Variants in AK9 observed in about 807,000 individuals in gnomAD.
AK9 encodes adenylate kinase domain containing 1.
A neutral mutation model predicts 239.6 loss-of-function variants in AK9; 191 were observed. That is an observed-to-expected ratio of 0.80 (90% CI 0.71 to 0.90). AK9 has a LOEUF of 0.90. AK9 is among the 40% of genes least tolerant of loss of function. The pLI is 0.00. For missense variants in AK9, 1,995 were observed against 2,214.7 expected (o/e 0.90, Z 1.99); for synonymous variants, 689 against 721.0 (o/e 0.96, Z 0.71).
intron 21 of AK9, among the ~76,000 whole-genome samples, chr6:109,573,039 T>C (rs528914471): frequency 6.6e-6 from 1 of 152,206 alleles, no homozygotes; most frequent in African/African-American, 2.4e-5. Flanking sequence ...GTAAAATTCA[T>C]GCTAATAATT....
chr6:109,542,179 C>T lies in AK9; in HGVS notation c.3226-8G>A, dbSNP rs78815905. 50 of 1,577,456 alleles carry T rather than the reference C, an allele frequency of 3.2e-5. 1 individual carries two copies. The East Asian group carries it at 1.1e-3, about 36-fold the overall frequency. ...AAGTTGTACTTCTGGAAGCTAAAAA[C>T]AAAAATCAGAAAACAAAACAAGTTT... On this transcript the variant is annotated splice_region_variant and splice_polypyrimidine_tract_variant and intron_variant, in intron 26 of 40. Transcript: ENST00000424296.
At chr6:109,612,741 C>T (rs1793723046) in intron 15 of AK9, among the ~76,000 whole-genome samples, 1 of 151,952 alleles carries the variant, frequency 6.6e-6, no homozygotes, top group Non-Finnish European at 1.5e-5. Flanking sequence ...AAATAAACAG[C>T]AGGCAAGCAC....
intron 4 of AK9, 48 bp downstream of exon 4, chr6:109,672,067 A>C: frequency 6.2e-7 from 1 of 1,611,896 alleles, no homozygotes; most frequent in Non-Finnish European, 8.5e-7. Context: ...TCTATGATAC[A>C]GAGCTTTTTT....
intron 1 of AK9, among the ~76,000 whole-genome samples, chr6:109,686,927 C>G (rs958937320): frequency 6.6e-6 from 1 of 152,176 alleles, no homozygotes; most frequent in Non-Finnish European, 1.5e-5. Flanking sequence ...CTTCAGGGCA[C>G]AAATAAATTT....
At chr6:109,666,141 C>T (rs1307550572) in intron 5 of AK9, among the ~76,000 whole-genome samples, 1 of 152,172 alleles carries the variant, frequency 6.6e-6, no homozygotes, top group African/African-American at 2.4e-5. Flanking sequence ...GCTCTACCCT[C>T]TGAGAGATGT....
intron 1 of AK9, among the ~76,000 whole-genome samples, chr6:109,684,248 C>G (rs1469535381): frequency 1.3e-5 from 2 of 152,080 alleles, no homozygotes; most frequent in Non-Finnish European, 2.9e-5. Context: ...AAAATTAACT[C>G]AAGATGGATG....
intron 13 of AK9, among the ~76,000 whole-genome samples, chr6:109,615,593 T>C (rs986829568): frequency 5.3e-5 from 8 of 152,168 alleles, no homozygotes; most frequent in African/African-American, 1.9e-4. Flanking sequence ...TTGGATGGCA[T>C]GCAATTTCAG....
chr6:109,579,592 C>G lies in AK9; in HGVS notation c.2149G>C (p.Glu717Gln), dbSNP rs1332068248. 4 of 1,551,176 alleles carry G rather than the reference C, an allele frequency of 2.6e-6. No individual in the cohort carries two copies. The Admixed American group carries it at 5.9e-5, about 23-fold the overall frequency. The change falls in exon 20 of 41, where the codon GAA (glutamate) becomes CAA (glutamine). Residue 717 changes from glutamate to glutamine, a missense_variant. By Grantham distance (29) the Glu-to-Gln change is conservative. Around this residue, in one of 5 missense-constraint regions of AK9, gnomAD observed 1,290 missense variants for 1,392.7 expected, o/e 0.93. Coordinates refer to ENST00000424296, the MANE Select transcript of AK9 (RefSeq NM_001145128.3). ...ATEEELRLEEENRRLLELMKV... is the reference protein window; with the variant it reads ...ATEEELRLEEQNRRLLELMKV... ...ATAAGTTCCAGTAGCCTTCGATTTT[C>G]TTCTTCGAGTCTCAATTCCTCTTCT...
At position 109,523,453 on chromosome 6, in the gene AK9, T is replaced by C. The variant is rs944901767; in HGVS notation, c.3633+5558A>G. Among the ~76,000 whole-genome samples the C allele has an allele frequency of 2.0e-5, 3 of 152,288 alleles. No homozygotes were observed. In the South Asian group the frequency reaches 6.2e-4, roughly 32 times the overall value. On this transcript the variant is annotated intron_variant, in intron 29 of 40. Transcript: ENST00000424296. Reference sequence around the variant, plus strand: ...TTATTTAACCTCTAGCAGATAATAATAAACTGTAAACAACACTCCTCTCTC... The same window carrying C: ...TTATTTAACCTCTAGCAGATAATAACAAACTGTAAACAACACTCCTCTCTC...
rs529966752 is a variant in AK9, at chr6:109,543,089, G to A, written c.3226-918C>T. On this transcript the variant is annotated intron_variant, in intron 26 of 40. Coordinates refer to ENST00000424296, the MANE Select transcript of AK9 (RefSeq NM_001145128.3). ...GCCATCTGAAATACAAACTAGAAGA[G>A]GATTATAATGTAATAACAAATAGAA... 2.0e-5 allele frequency among the ~76,000 whole-genome samples: 3 copies of A among 152,200 alleles called. No homozygotes were observed. In the South Asian group the frequency reaches 6.2e-4, roughly 32 times the overall value.
At chr6:109,611,643 CTTTCCTTTCCT>C (rs1167938208) in intron 16 of AK9, among the ~76,000 whole-genome samples, 1 of 152,044 alleles carries the variant, frequency 6.6e-6, no homozygotes, top group Non-Finnish European at 1.5e-5. Context: ...CAGTTTTTGT[CTTTCCTTTCCT>C]TTTCCTTTCC....
rs1286843597 is a variant in AK9 at position 109,602,133 on chromosome 6, TA to T, written c.1842+8231del. On this transcript the variant is annotated intron_variant, in intron 17 of 40. Transcript: ENST00000424296. ...TCCTGTCATTATGATATTAGCTGGT[TA>T]TTTTGCTCATTAGTTGATAGTTTCT... Among the ~76,000 whole-genome samples the T allele has an allele frequency of 2.0e-5, 3 of 152,340 alleles. No homozygotes were observed. In the East Asian group the frequency reaches 5.8e-4, roughly 29 times the overall value.
chr6:109,567,904 G>A (rs1583040513), intron 21 of AK9, among the ~76,000 whole-genome samples: 3 of 147,072 alleles, frequency 2.0e-5, no homozygotes, highest in African/African-American at 2.6e-5. Context: ...AAAAGAAAAA[G>A]GGAATCCTCC....
At chr6:109,549,664 C>A (rs13191306) in intron 25 of AK9, 1 of 122,098 alleles carries the variant, frequency 8.2e-6, no homozygotes. Context: ...TAGATATTTT[C>A]TTTTTTTTTT....
chr6:109,603,207 C>A (rs2128231454), intron 17 of AK9, among the ~76,000 whole-genome samples: 1 of 152,314 alleles, frequency 6.6e-6, no homozygotes, highest in East Asian at 1.9e-4. Flanking sequence ...GTGGTTTTAT[C>A]TACCTTTGGT....
intron 28 of AK9, among the ~76,000 whole-genome samples, chr6:109,529,278 G>A (rs1243596210): frequency 6.6e-6 from 1 of 152,156 alleles, no homozygotes; most frequent in African/African-American, 2.4e-5. Flanking sequence ...TTTTCTTCCA[G>A]AGGGATAAAC....
chr6:109,539,706 G>T (rs1201584622), intron 27 of AK9, among the ~76,000 whole-genome samples: 2 of 152,162 alleles, frequency 1.3e-5, no homozygotes, highest in Non-Finnish European at 2.9e-5. Flanking sequence ...CAGCTTTTCT[G>T]CTCTGTTTTT....
At chr6:109,560,083 T>G (rs1785551616) in intron 24 of AK9, among the ~76,000 whole-genome samples, 1 of 152,328 alleles carries the variant, frequency 6.6e-6, no homozygotes, top group South Asian at 2.1e-4. Flanking sequence ...CATCTCAGGA[T>G]CCTTAATTTA....
At chr6:109,603,302 C>G (rs1344942248) in intron 17 of AK9, among the ~76,000 whole-genome samples, 1 of 152,216 alleles carries the variant, frequency 6.6e-6, no homozygotes, top group Non-Finnish European at 1.5e-5. Context: ...TCAGGATCCT[C>G]AGCTGCAGGT....
Sources: allele counts gnomAD v4.1 joint callset (sites outside exome capture counted in the v4.1 genomes callset), GRCh38; gene constraint gnomAD v4.1.1; regional missense constraint gnomAD v4.1.1; transcripts MANE v1.5; gene names NCBI Gene and HGNC (gene_info 2026-07-23, HGNC 2026-07-21).